C17orf114: variants seen among roughly 807,000 people sequenced by gnomAD.
The protein encoded by C17orf114 is chromosome 17 open reading frame 114, also known as uncharacterized protein C17orf114.
upstream of C17orf114, among the ~76,000 whole-genome samples, chr17:4,805,188 T>TGGA (rs1248881663): frequency 6.6e-6 from 1 of 150,680 alleles, no homozygotes; most frequent in East Asian, 2.0e-4. Context: ...CCCAGCACTT[T>TGGA]AGGCCAAGGA....
At chr17:4,803,570 GC>G (rs1465035535), upstream of C17orf114, among the ~76,000 whole-genome samples, 1 of 150,662 alleles carries the variant, frequency 6.6e-6, no homozygotes, top group African/African-American at 2.4e-5. Context: ...GACTATAGGC[GC>G]CCACCACCAC....
chr17:4,803,078 A>ACCTG (rs1396052728), upstream of C17orf114, among the ~76,000 whole-genome samples: 2 of 151,796 alleles, frequency 1.3e-5, no homozygotes, highest in Non-Finnish European at 2.9e-5. Flanking sequence ...CACCATGCCC[A>ACCTG]GCTAATTTTT....
At chr17:4,802,978 C>T (rs992024975), upstream of C17orf114, among the ~76,000 whole-genome samples, 6 of 152,036 alleles carry the variant, frequency 3.9e-5, no homozygotes, top group Admixed American at 6.6e-5. Context: ...AGTGCAGTGG[C>T]GCAATCTCGG....
At chr17:4,804,874 G>A (rs150928067), upstream of C17orf114, among the ~76,000 whole-genome samples, 9 of 152,118 alleles carry the variant, frequency 5.9e-5, no homozygotes, top group African/African-American at 1.2e-4. Context: ...GTGAGCCACC[G>A]CGCCCCGCCT....
chr17:4,801,740 T>TC (rs1464085295), intron 1 of C17orf114, among the ~76,000 whole-genome samples: 7 of 152,004 alleles, frequency 4.6e-5, no homozygotes, highest in Non-Finnish European at 1.5e-5. Flanking sequence ...TCTTAATTTT[T>TC]TTTTTTTTTT....
At chr17:4,806,714 G>A (rs1289536974), upstream of C17orf114, 1 of 152,060 alleles carries the variant, frequency 6.6e-6, no homozygotes, top group Admixed American at 6.5e-5. Flanking sequence ...TAGGCCAAAT[G>A]TGGCTCGCAG....
At chr17:4,803,248 T>C (rs1216864688), upstream of C17orf114, among the ~76,000 whole-genome samples, 2 of 151,222 alleles carry the variant, frequency 1.3e-5, no homozygotes, top group Non-Finnish European at 2.9e-5. Flanking sequence ...AGTCCCTCAC[T>C]GGTTAGGTGA....
intron 1 of C17orf114, among the ~76,000 whole-genome samples, chr17:4,801,906 A>G (rs1015659632): frequency 3.3e-5 from 5 of 151,658 alleles, no homozygotes; most frequent in African/African-American, 7.3e-5. Context: ...AATTTTTTGT[A>G]TTTTTAGTAG....
chr17:4,803,583 C>A (rs998396335), upstream of C17orf114, among the ~76,000 whole-genome samples: 1 of 151,588 alleles, frequency 6.6e-6, no homozygotes, highest in Non-Finnish European at 1.5e-5. Flanking sequence ...CACCACCACA[C>A]CCGGCTAATT....
chr17:4,801,655 G>A (rs1265513317), intron 1 of C17orf114, among the ~76,000 whole-genome samples, 200 bp from the exon 2 acceptor site: 2 of 152,104 alleles, frequency 1.3e-5, no homozygotes, highest in Non-Finnish European at 2.9e-5. Context: ...TGTGACCTGT[G>A]CAGTTGCATA....
intron 1 of C17orf114, 73 bp from the exon 2 acceptor site, chr17:4,801,528 G>C: frequency 2.5e-6 from 1 of 392,828 alleles, no homozygotes. Context: ...CCAGGGTTGA[G>C]GAGGGAAGAA....
chr17:4,804,751 A>T (rs1185413803), upstream of C17orf114, among the ~76,000 whole-genome samples: 1 of 150,100 alleles, frequency 6.7e-6, no homozygotes, highest in Non-Finnish European at 1.5e-5. Context: ...ACACTCAGCT[A>T]ATTTTTTGTA....
exon 2 of C17orf114, chr17:4,801,163 C>T: frequency 2.5e-6 from 1 of 396,450 alleles, no homozygotes; most frequent in East Asian, 3.6e-5. Flanking sequence ...CAGCACTTAG[C>T]AACTATGAAC....
intron 1 of C17orf114, among the ~76,000 whole-genome samples, chr17:4,801,897 A>AT (rs1002619276): frequency 2.0e-5 from 3 of 151,698 alleles, no homozygotes; most frequent in Admixed American, 6.6e-5. Context: ...CACCCGGCTA[A>AT]TTTTTTGTAT....
chr17:4,803,648 G>A (rs191547964), upstream of C17orf114, among the ~76,000 whole-genome samples: 5 of 151,010 alleles, frequency 3.3e-5, no homozygotes, highest in East Asian at 2.0e-4. Context: ...GGATGGTCTC[G>A]ATCTCCTGAG....
At chr17:4,801,638 G>A (rs1009697840) in intron 1 of C17orf114, among the ~76,000 whole-genome samples, 183 bp from the exon 2 acceptor site, 2 of 152,106 alleles carry the variant, frequency 1.3e-5, no homozygotes, top group South Asian at 2.1e-4. Context: ...GGACTGGCTC[G>A]CACACATGTG....
chr17:4,802,957 G>A (rs114448461), upstream of C17orf114, among the ~76,000 whole-genome samples: 1,118 of 152,134 alleles, frequency 7.3e-3, 14 homozygotes, highest in African/African-American at 0.025. Context: ...TCACTCTCTC[G>A]CCCAGGGTGG....
At chr17:4,804,261 G>C (rs1241471540), upstream of C17orf114, among the ~76,000 whole-genome samples, 8 of 149,728 alleles carry the variant, frequency 5.3e-5, no homozygotes, top group Admixed American at 4.7e-4. Flanking sequence ...CTGGAGTGCA[G>C]TGGCACGATC....
chr17:4,802,556 T>C (rs765396676), upstream of C17orf114, among the ~76,000 whole-genome samples: 1 of 152,092 alleles, frequency 6.6e-6, no homozygotes, highest in African/African-American at 2.4e-5. Flanking sequence ...CTGATCCCCA[T>C]GGAGAAGCAG....
Sources: gnomAD v4.1 joint callset for allele counts (sites outside exome capture counted in the v4.1 genomes callset) on GRCh38, gnomAD v4.1.1 for gene constraint, MANE v1.5 for transcripts, NCBI Gene and HGNC (gene_info 2026-07-23, HGNC 2026-07-21) for gene names.